Variants in RFWD3 observed in about 807,000 individuals in gnomAD.
The protein encoded by RFWD3 is E3 ubiquitin-protein ligase RFWD3.
Under a neutral mutation model 87.7 loss-of-function variants are expected in RFWD3, and 65 were observed. The observed-to-expected ratio is 0.74, with a 90% CI of 0.61 to 0.91. The LOEUF (loss-of-function observed/expected upper bound fraction) is 0.91. Among genes scored for constraint, RFWD3 ranks in the 40% least tolerant of loss-of-function variants. The pLI, the probability that RFWD3 is intolerant of heterozygous loss-of-function variation, is 0.00. For missense variants in RFWD3, 1,078 were observed against 938.5 expected (o/e 1.15, Z -1.94); for synonymous variants, 433 against 352.8 (o/e 1.23, Z -2.55).
chr16:74,661,571 A>ATT, intron 1 of RFWD3, 120 bp from the exon 2 acceptor site: 2 of 947,284 alleles, frequency 2.1e-6, no homozygotes, highest in Non-Finnish European at 3.1e-6. Context: ...CAAGACTGAG[A>ATT]AGCTTCAAGA....
intron 12 of RFWD3, among the ~76,000 whole-genome samples, chr16:74,624,380 T>C (rs1958858250): frequency 6.6e-6 from 1 of 152,208 alleles, no homozygotes; most frequent in South Asian, 2.1e-4. Flanking sequence ...GTCCCTGTCT[T>C]TGCCCTCATG....
chr16:74,654,677 G>A (rs1960830031), intron 2 of RFWD3, among the ~76,000 whole-genome samples: 1 of 152,162 alleles, frequency 6.6e-6, no homozygotes, highest in African/African-American at 2.4e-5. Flanking sequence ...GTCAAAAGCT[G>A]GGATAGGCCA....
intron 8 of RFWD3, among the ~76,000 whole-genome samples, chr16:74,636,142 T>C (rs1197001647): frequency 2.0e-5 from 3 of 152,204 alleles, no homozygotes; most frequent in Non-Finnish European, 4.4e-5. Context: ...TCAGTATTTC[T>C]ACCCTCTTGG....
At chr16:74,636,702 G>A in intron 7 of RFWD3, 125 bp from the exon 8 acceptor site, 3 of 739,554 alleles carry the variant, frequency 4.1e-6, no homozygotes, top group South Asian at 3.8e-5. Flanking sequence ...ATGAATCCTA[G>A]AGAACTGCAG....
chr16:74,657,744 G>T (rs1209955749), intron 2 of RFWD3, among the ~76,000 whole-genome samples: 2 of 152,134 alleles, frequency 1.3e-5, no homozygotes, highest in African/African-American at 4.8e-5. Flanking sequence ...AAAATGCTGC[G>T]ATTACAGGTG....
chr16:74,663,686 A>C (rs1447309788), intron 1 of RFWD3, among the ~76,000 whole-genome samples: 1 of 152,254 alleles, frequency 6.6e-6, no homozygotes. Flanking sequence ...ACACAAATGC[A>C]AACAGGGTAT....
intron 4 of RFWD3, 79 bp downstream of exon 4, chr16:74,649,053 G>C (rs1393946659): frequency 2.2e-6 from 2 of 906,322 alleles, no homozygotes; most frequent in Non-Finnish European, 3.2e-6. Flanking sequence ...CTGCACTCTA[G>C]CCTGGGTGAG....
At chr16:74,640,533 C>T (rs887872149) in intron 6 of RFWD3, among the ~76,000 whole-genome samples, 3 of 152,088 alleles carry the variant, frequency 2.0e-5, no homozygotes, top group East Asian at 3.9e-4. Flanking sequence ...TGGTGGCATG[C>T]GCCTGTACTC....
intron 4 of RFWD3, among the ~76,000 whole-genome samples, chr16:74,646,903 TCAACAACAACAACAA>T (rs71376295): frequency 2.5e-4 from 38 of 150,238 alleles, no homozygotes; most frequent in Admixed American, 7.3e-4. Context: ...AAACCCCGTC[TCAACAACAACAACAA>T]CAACAACAAC....
intron 9 of RFWD3, among the ~76,000 whole-genome samples, chr16:74,632,088 A>C (rs1020260711): frequency 6.6e-6 from 1 of 151,142 alleles, no homozygotes; most frequent in Non-Finnish European, 1.5e-5. Context: ...GTCTCAGACC[A>C]AAAAAAACAG....
Position 74,622,874 on chromosome 16 carries a change from T to A in RFWD3, c.*1054A>T, listed in dbSNP as rs1036635650. 2.0e-5 allele frequency: 3 copies of A among 152,182 alleles called. No homozygotes were observed. The highest frequency in any genetic ancestry group is 7.2e-5 in the African/African-American group (3 of 41,450). The allele number at this position is 152,182 out of a possible 1,614,324, so 9.4% of individuals were successfully genotyped here. On this transcript the variant is annotated 3_prime_UTR_variant, in exon 13 of 13. Transcript: ENST00000361070. ...ATGGGGAAGGCTTTAACTGGATAAC[T>A]GGAATGTATAAAGAACACTTAAGAA... is the stretch of plus-strand genomic sequence containing the variant.
chr16:74,625,856 G>A (rs1300685468), intron 12 of RFWD3, among the ~76,000 whole-genome samples: 3 of 152,106 alleles, frequency 2.0e-5, no homozygotes, highest in Non-Finnish European at 4.4e-5. Context: ...GACTGTACTG[G>A]ACAGTGCTAC....
chr16:74,659,140 G>C (rs1306227055), intron 2 of RFWD3, among the ~76,000 whole-genome samples: 1 of 152,056 alleles, frequency 6.6e-6, no homozygotes, highest in Non-Finnish European at 1.5e-5. Flanking sequence ...GTTGGCATCT[G>C]GTTTATAAGT....
chr16:74,637,020 C>A (rs895403906), intron 7 of RFWD3, among the ~76,000 whole-genome samples: 1 of 149,004 alleles, frequency 6.7e-6, no homozygotes, highest in African/African-American at 2.5e-5. Context: ...GCCAGAACTG[C>A]TGAGTTTTTA....
chr16:74,633,872 C>G (rs1447773352), intron 8 of RFWD3, among the ~76,000 whole-genome samples: 1 of 151,918 alleles, frequency 6.6e-6, no homozygotes, highest in Admixed American at 6.6e-5. Flanking sequence ...ATGACTTGAG[C>G]CCAGGAGGCG....
At chr16:74,644,026 C>T (rs889123963) in intron 6 of RFWD3, 1 of 347,094 alleles carries the variant, frequency 2.9e-6, no homozygotes, top group African/African-American at 2.1e-5. Context: ...TTACATTGCA[C>T]TGCATGTGCA....
chr16:74,656,066 A>G (rs1053702741), intron 2 of RFWD3, among the ~76,000 whole-genome samples: 1 of 152,138 alleles, frequency 6.6e-6, no homozygotes, highest in Non-Finnish European at 1.5e-5. Context: ...CTTATTATTT[A>G]AGAAATAAGG....
At chr16:74,624,400 C>G (rs1958859189) in intron 12 of RFWD3, among the ~76,000 whole-genome samples, 1 of 152,010 alleles carries the variant, frequency 6.6e-6, no homozygotes, top group African/African-American at 2.4e-5. Context: ...GGAACTCACC[C>G]TTTTTTTTCT....
intron 4 of RFWD3, among the ~76,000 whole-genome samples, chr16:74,646,373 C>A (rs994076147): frequency 6.6e-5 from 10 of 152,020 alleles, no homozygotes; most frequent in African/African-American, 2.4e-4. Flanking sequence ...GAGACCCTGT[C>A]TCAAAAAAGT....
Sources: allele counts gnomAD v4.1 joint callset (sites outside exome capture counted in the v4.1 genomes callset), GRCh38; gene constraint gnomAD v4.1.1; transcripts MANE v1.5; gene names NCBI Gene and HGNC (gene_info 2026-07-23, HGNC 2026-07-21).